The following RAD51B variants were observed in gnomAD, a reference collection of about 807,000 sequenced individuals.
The protein encoded by RAD51B is DNA repair protein RAD51 homolog 2.
Under a neutral mutation model 42.2 loss-of-function variants are expected in RAD51B, and 38 were observed. The observed-to-expected ratio is 0.90, with a 90% CI of 0.70 to 1.18. The LOEUF (loss-of-function observed/expected upper bound fraction) is 1.18. RAD51B is among the 50% of genes most tolerant of loss of function. The probability of loss-of-function intolerance (pLI) is 0.00; values close to 1 mark genes in which losing one functional copy is unlikely to be tolerated. For synonymous variants in RAD51B, 154 were observed against 145.2 expected, an observed-to-expected ratio of 1.06 and a Z score of -0.43; for missense variants, 373 against 400.7, an observed-to-expected ratio of 0.93 and a Z score of 0.59.
At chr14:68,279,836 T>G (rs2081288197) in intron 7 of RAD51B, among the ~76,000 whole-genome samples, 1 of 152,164 alleles carries the variant, frequency 6.6e-6, no homozygotes, top group African/African-American at 2.4e-5. Flanking sequence ...ATCACGTATA[T>G]TTAAGACTGG....
At chr14:68,614,069 T>C (rs183643040), downstream of RAD51B, among the ~76,000 whole-genome samples, 18 of 152,338 alleles carry the variant, frequency 1.2e-4, no homozygotes, top group Admixed American at 1.0e-3. Context: ...CAATAGACTT[T>C]AAAGAACTCA....
chr14:68,264,494 C>T (rs192233845), intron 7 of RAD51B, among the ~76,000 whole-genome samples: 78 of 152,278 alleles, frequency 5.1e-4, no homozygotes, highest in Middle Eastern at 3.4e-3. Context: ...TGGGGTAAGC[C>T]AGTGAGAGAT....
chr14:68,283,974 C>A (rs1241575065), intron 7 of RAD51B, among the ~76,000 whole-genome samples: 1 of 152,258 alleles, frequency 6.6e-6, no homozygotes, highest in Non-Finnish European at 1.5e-5. Context: ...GCACTACTTG[C>A]GTCAGCCCCC....
intron 10 of RAD51B, among the ~76,000 whole-genome samples, chr14:68,491,249 T>G (rs1262613769): frequency 6.6e-6 from 1 of 152,134 alleles, no homozygotes; most frequent in African/African-American, 2.4e-5. Context: ...TCCTCCTCCT[T>G]TCTGTTGTGA....
intron 7 of RAD51B, among the ~76,000 whole-genome samples, chr14:68,077,184 A>G (rs529414604): frequency 1.3e-5 from 2 of 152,346 alleles, no homozygotes; most frequent in African/African-American, 2.4e-5. Context: ...TGGGCTAGAT[A>G]TCTCATAAGA....
At chr14:68,463,994 A>G (rs753260379) in intron 9 of RAD51B, among the ~76,000 whole-genome samples, 1 of 152,218 alleles carries the variant, frequency 6.6e-6, no homozygotes, top group South Asian at 2.1e-4. Flanking sequence ...GTTAACCAAC[A>G]TTCCATTTTC....
chr14:68,647,812 G>A (rs945242245), intron 10 of RAD51B, among the ~76,000 whole-genome samples: 24 of 151,792 alleles, frequency 1.6e-4, no homozygotes, highest in African/African-American at 2.9e-4. Flanking sequence ...CCGAGTAGCC[G>A]GAATTACAGG....
intron 9 of RAD51B, chr14:68,422,252 T>C: frequency 1.2e-6 from 1 of 802,392 alleles, no homozygotes; most frequent in Non-Finnish European, 2.2e-6. Context: ...CCCAAATTCT[T>C]AATAGCTTAT....
chr14:67,925,311 A>G (rs992218712), intron 7 of RAD51B, among the ~76,000 whole-genome samples: 2 of 151,874 alleles, frequency 1.3e-5, no homozygotes, highest in Non-Finnish European at 1.5e-5. Context: ...TCGCTCTGTC[A>G]CCAGGCTGGA....
intron 9 of RAD51B, among the ~76,000 whole-genome samples, chr14:68,464,546 G>T (rs2085925888): frequency 6.6e-6 from 1 of 152,198 alleles, no homozygotes; most frequent in African/African-American, 2.4e-5. Context: ...ATTCAAGTCA[G>T]TAAGACCAAG....
intron 11 of RAD51B, among the ~76,000 whole-genome samples, chr14:68,681,008 G>T (rs530645481): frequency 6.6e-6 from 1 of 152,178 alleles, no homozygotes; most frequent in African/African-American, 2.4e-5. Flanking sequence ...GCCCAGGAGA[G>T]GCTATTCTGG....
chr14:68,272,308 C>T (rs2081119226), intron 7 of RAD51B, among the ~76,000 whole-genome samples: 1 of 152,054 alleles, frequency 6.6e-6, no homozygotes, highest in South Asian at 2.1e-4. Context: ...CTCTATTTCT[C>T]ATTTGCTGTG....
intron 7 of RAD51B, among the ~76,000 whole-genome samples, chr14:68,280,572 G>C (rs150116389): frequency 1.0e-3 from 158 of 152,258 alleles, no homozygotes; most frequent in African/African-American, 3.7e-3. Flanking sequence ...TCAAGCAATT[G>C]GTAGGGGTCT....
In RAD51B at chr14:68,151,838, T is replaced by C. The variant is rs1411075145; in HGVS notation, c.757-140046T>C. The stretch of plus-strand genomic sequence containing the variant: ...GTTATAAAGACTTTTTTTTTTTTTT[T>C]TTTTTTTTTTTTTTTTTTTTTTGAG... On this transcript the variant is annotated intron_variant, in intron 7 of 10. Coordinates refer to ENST00000471583, the MANE Select transcript of RAD51B (RefSeq NM_133510.4). Among the ~76,000 whole-genome samples the C allele has an allele frequency of 2.9e-3, 277 of 97,026 alleles. 1 individual carries two copies. Among genetic ancestry groups the C allele is most frequent in the African/African-American group, 0.015 (258 of 17,198 alleles). The allele number at this position is 97,026 out of a possible 152,430, so 63.7% of individuals were successfully genotyped here.
chr14:67,930,820 T>C (rs1267067955), intron 7 of RAD51B, among the ~76,000 whole-genome samples: 1 of 152,208 alleles, frequency 6.6e-6, no homozygotes, highest in African/African-American at 2.4e-5. Context: ...ATAATTTATA[T>C]ATTTGATTGC....
intron 7 of RAD51B, among the ~76,000 whole-genome samples, chr14:68,030,742 CTGTT>C (rs1293095914): frequency 1.3e-5 from 2 of 152,224 alleles, no homozygotes; most frequent in East Asian, 1.9e-4. Flanking sequence ...GCTTGGCTAA[CTGTT>C]TGGTGCAGGA....
chr14:68,598,114 T>G (rs1891077557), downstream of RAD51B, among the ~76,000 whole-genome samples: 1 of 152,146 alleles, frequency 6.6e-6, no homozygotes, highest in Non-Finnish European at 1.5e-5. Context: ...GAAAGCTACT[T>G]CTACATAAAG....
At position 67,925,332 on chromosome 14, in the gene RAD51B, G is replaced by A. The variant is rs145775287; in HGVS notation, c.756+38128G>A. Among the ~76,000 whole-genome samples, 60 of 152,100 alleles carry A rather than the reference G, an allele frequency of 3.9e-4. 1 individual carries two copies. The highest frequency in any genetic ancestry group is 2.5e-3 in the East Asian group (13 of 5,166). Reference sequence around the variant, plus strand: ...TGTCACCAGGCTGGAGTGCAGTGGCGTGTGATCTCGGCTCACTGTACCCTC... The same window carrying A: ...TGTCACCAGGCTGGAGTGCAGTGGCATGTGATCTCGGCTCACTGTACCCTC... On this transcript the variant is annotated intron_variant, in intron 7 of 10. Transcript: ENST00000471583.
At chr14:68,022,274 C>T (rs1185998290) in intron 7 of RAD51B, among the ~76,000 whole-genome samples, 1 of 152,130 alleles carries the variant, frequency 6.6e-6, no homozygotes, top group Non-Finnish European at 1.5e-5. Context: ...TATTCTTTTA[C>T]ATGGCTGTGT....
Sources: allele counts gnomAD v4.1 joint callset (sites outside exome capture counted in the v4.1 genomes callset), GRCh38; gene constraint gnomAD v4.1.1; transcripts MANE v1.5; gene names NCBI Gene and HGNC (gene_info 2026-07-23, HGNC 2026-07-21).